FBXL17: variants seen among roughly 807,000 people sequenced by gnomAD.
The protein encoded by FBXL17 is F-box and leucine rich repeat protein 17, also known as F-box/LRR-repeat protein 17.
Under a neutral mutation model 66.2 loss-of-function variants are expected in FBXL17, and 22 were observed. The observed-to-expected ratio is 0.33, with a 90% CI of 0.24 to 0.47. The LOEUF is 0.47. Among genes scored for constraint, FBXL17 ranks in the 20% least tolerant of loss-of-function variants. The pLI, the probability that FBXL17 is intolerant of heterozygous loss-of-function variation, is 1.00. For synonymous variants in FBXL17, 474 were observed against 400.5 expected (o/e 1.18, Z -2.19); for missense variants, 878 against 948.2 (o/e 0.93, Z 0.97).
chr5:108,048,383 C>A (rs1747339843), intron 6 of FBXL17, among the ~76,000 whole-genome samples: 1 of 152,112 alleles, frequency 6.6e-6, no homozygotes, highest in Admixed American at 6.5e-5. Flanking sequence ...ACCCAAGAGG[C>A]CAGAGTACCT....
chr5:108,021,118 C>A, intron 6 of FBXL17, 117 bp from the exon 7 acceptor site: 1 of 680,350 alleles, frequency 1.5e-6, no homozygotes. Context: ...AATGGTGTTT[C>A]AGGAAAGGTA....
chr5:108,189,140 T>C (rs1407170827), intron 5 of FBXL17, among the ~76,000 whole-genome samples: 1 of 152,114 alleles, frequency 6.6e-6, no homozygotes, highest in African/African-American at 2.4e-5. Flanking sequence ...ATCAACTCAC[T>C]AGTTCTGTGG....
chr5:108,163,040 T>G (rs1448852636), intron 6 of FBXL17, among the ~76,000 whole-genome samples: 1 of 152,176 alleles, frequency 6.6e-6, no homozygotes, highest in Non-Finnish European at 1.5e-5. Flanking sequence ...TATATTACAA[T>G]ATTCTTAACT....
At chr5:108,182,389 T>G (rs2150027825) in intron 6 of FBXL17, among the ~76,000 whole-genome samples, 1 of 152,282 alleles carries the variant, frequency 6.6e-6, no homozygotes, top group Admixed American at 6.5e-5. Flanking sequence ...TAACTACAAA[T>G]ATTACTTAGC....
At chr5:107,971,942 C>G (rs1276858623) in intron 7 of FBXL17, among the ~76,000 whole-genome samples, 1 of 152,184 alleles carries the variant, frequency 6.6e-6, no homozygotes, top group African/African-American at 2.4e-5. Flanking sequence ...AAAGGCCTCA[C>G]CACATTGCAC....
chr5:108,008,218 C>T (rs770243613), intron 7 of FBXL17, among the ~76,000 whole-genome samples: 12 of 152,232 alleles, frequency 7.9e-5, no homozygotes, highest in East Asian at 5.8e-4. Context: ...CTGTTTCTAG[C>T]GCTTAAAATT....
At chr5:108,131,350 C>T (rs1189361881) in intron 6 of FBXL17, among the ~76,000 whole-genome samples, 1 of 152,016 alleles carries the variant, frequency 6.6e-6, no homozygotes, top group African/African-American at 2.4e-5. Flanking sequence ...GCAACCAGCC[C>T]AAGAATTCAG....
intron 7 of FBXL17, among the ~76,000 whole-genome samples, chr5:107,889,699 A>G (rs1000992473): frequency 1.3e-5 from 2 of 152,186 alleles, no homozygotes; most frequent in Non-Finnish European, 2.9e-5. Context: ...CCTTCCTATG[A>G]GATGAACAAG....
chr5:108,113,285 G>A (rs1750110595), intron 6 of FBXL17, among the ~76,000 whole-genome samples: 2 of 152,040 alleles, frequency 1.3e-5, no homozygotes, highest in African/African-American at 2.4e-5. Flanking sequence ...GTTAAAAGAC[G>A]GGATGTAATC....
chr5:107,907,342 T>C (rs1303547386), intron 7 of FBXL17, among the ~76,000 whole-genome samples: 1 of 152,174 alleles, frequency 6.6e-6, no homozygotes, highest in East Asian at 1.9e-4. Flanking sequence ...TTTGTGCTTT[T>C]AGAATGAAAT....
intron 7 of FBXL17, among the ~76,000 whole-genome samples, chr5:107,992,718 C>T (rs1753301722): frequency 6.6e-6 from 1 of 152,102 alleles, no homozygotes; most frequent in Admixed American, 6.5e-5. Context: ...CAACACCTAG[C>T]TGCAACAATT....
intron 7 of FBXL17, among the ~76,000 whole-genome samples, chr5:107,993,177 G>A (rs1029491055): frequency 6.6e-6 from 1 of 152,146 alleles, no homozygotes; most frequent in East Asian, 1.9e-4. Flanking sequence ...TTACAGGCGT[G>A]AGCCACCGCA....
chr5:108,196,727 G>A (rs1024481446), intron 5 of FBXL17, among the ~76,000 whole-genome samples: 3 of 152,072 alleles, frequency 2.0e-5, no homozygotes, highest in South Asian at 2.1e-4. Flanking sequence ...GCAGCTCTGC[G>A]GCTACATGCT....
rs527489983 is a variant in FBXL17, at chr5:108,109,034, C to T, written c.1745+77083G>A. Reference sequence around the variant, plus strand: ...CTGACCTCAGGTGATCCGCCCACCTCGGCCTCCCAAAGTGCTGGGATTACA... The same window carrying T: ...CTGACCTCAGGTGATCCGCCCACCTTGGCCTCCCAAAGTGCTGGGATTACA... On this transcript the variant is annotated intron_variant, in intron 6 of 8. Transcript: ENST00000542267. 9.2e-5 allele frequency among the ~76,000 whole-genome samples: 14 copies of T among 152,150 alleles called. No individual in the cohort carries two copies. The East Asian group carries it at 1.7e-3, about 19-fold the overall frequency.
chr5:108,013,630 C>T (rs1324780663), intron 7 of FBXL17, among the ~76,000 whole-genome samples: 1 of 152,190 alleles, frequency 6.6e-6, no homozygotes, highest in African/African-American at 2.4e-5. Context: ...CACAAGAGTA[C>T]TTCCCATCCA....
At chr5:107,970,666 C>G (rs1306179563) in intron 7 of FBXL17, among the ~76,000 whole-genome samples, 1 of 152,206 alleles carries the variant, frequency 6.6e-6, no homozygotes, top group Admixed American at 6.5e-5. Flanking sequence ...CAAAGTCCCA[C>G]TTTCCTGTGA....
chr5:108,354,546 G>C (rs1319021058), intron 3 of FBXL17, among the ~76,000 whole-genome samples: 1 of 151,850 alleles, frequency 6.6e-6, no homozygotes, highest in Non-Finnish European at 1.5e-5. Flanking sequence ...AAAAGAGAGA[G>C]AGACAGGAAC....
chr5:108,162,187 G>C (rs895941107), intron 6 of FBXL17, among the ~76,000 whole-genome samples: 17 of 152,100 alleles, frequency 1.1e-4, no homozygotes, highest in African/African-American at 3.9e-4. Context: ...CCAAATGCTG[G>C]ATCAAGGTAG....
At chr5:108,087,959 G>C (rs1749035289) in intron 6 of FBXL17, among the ~76,000 whole-genome samples, 1 of 151,690 alleles carries the variant, frequency 6.6e-6, no homozygotes, top group Admixed American at 6.6e-5. Flanking sequence ...AACAAAAATT[G>C]TAAATGTTGG....
Sources: gnomAD v4.1 joint callset for allele counts (sites outside exome capture counted in the v4.1 genomes callset) on GRCh38, gnomAD v4.1.1 for gene constraint, MANE v1.5 for transcripts, NCBI Gene and HGNC (gene_info 2026-07-23, HGNC 2026-07-21) for gene names.